The following TBCK variants were observed in gnomAD, a reference collection of about 807,000 sequenced individuals.
TBCK encodes the protein TBC domain-containing protein kinase-like protein.
In TBCK, 99 loss-of-function variants were observed where a neutral mutation model predicts 113.4. The ratio of observed to expected loss-of-function variants is 0.87; its 90% CI spans 0.74 to 1.03. The LOEUF (loss-of-function observed/expected upper bound fraction) is 1.03, where lower values mean the gene tolerates loss of function less well. TBCK is among the 50% of genes least tolerant of loss of function. The pLI is 0.00. For missense variants in TBCK, 1,045 were observed against 1,061.3 expected, an observed-to-expected ratio of 0.98 and a Z score of 0.21; for synonymous variants, 369 against 370.8, an observed-to-expected ratio of 1.00 and a Z score of 0.05.
At chr4:106,135,968 T>C (rs1746507621) in intron 23 of TBCK, among the ~76,000 whole-genome samples, 1 of 141,508 alleles carries the variant, frequency 7.1e-6, no homozygotes, top group Non-Finnish European at 1.6e-5. Flanking sequence ...ATGTGTCACA[T>C]AGTAATAACA....
chr4:106,174,565 A>G (rs1475865632), intron 22 of TBCK, among the ~76,000 whole-genome samples: 1 of 152,122 alleles, frequency 6.6e-6, no homozygotes, highest in African/African-American at 2.4e-5. Flanking sequence ...ATACTTACGC[A>G]TATACTTCAT....
intron 23 of TBCK, among the ~76,000 whole-genome samples, chr4:106,118,082 T>C (rs558381300): frequency 5.3e-5 from 8 of 151,844 alleles, no homozygotes; most frequent in African/African-American, 1.7e-4. Context: ...ATTCAAAAAA[T>C]TTTTAATTTA....
intron 12 of TBCK, 127 bp from the exon 13 acceptor site, chr4:106,236,935 G>A (rs1759541649): frequency 2.9e-5 from 13 of 454,966 alleles, no homozygotes; most frequent in Non-Finnish European, 4.5e-5. Context: ...ATAAAATAGA[G>A]TCTAAAAATC....
intron 23 of TBCK, among the ~76,000 whole-genome samples, chr4:106,119,601 G>T (rs912748212): frequency 2.0e-5 from 3 of 152,126 alleles, no homozygotes; most frequent in Admixed American, 6.5e-5. Flanking sequence ...ACACTGGTCT[G>T]GGAAATGATT....
intron 22 of TBCK, among the ~76,000 whole-genome samples, chr4:106,191,822 C>G (rs1481013511): frequency 6.6e-6 from 1 of 152,018 alleles, no homozygotes; most frequent in Non-Finnish European, 1.5e-5. Flanking sequence ...GATTTCATTC[C>G]TATTTGAATA....
intron 19 of TBCK, among the ~76,000 whole-genome samples, chr4:106,224,024 T>A (rs912099868): frequency 1.3e-5 from 2 of 152,132 alleles, no homozygotes; most frequent in Non-Finnish European, 1.5e-5. Flanking sequence ...GTATTGATAG[T>A]TTGTCAACTC....
intron 23 of TBCK, among the ~76,000 whole-genome samples, chr4:106,130,090 T>C (rs1226381437): frequency 6.6e-6 from 1 of 152,212 alleles, no homozygotes; most frequent in Non-Finnish European, 1.5e-5. Flanking sequence ...ACTGCTTTCA[T>C]TTCCCCCCAA....
chr4:106,177,174 T>C (rs899863159), intron 22 of TBCK, among the ~76,000 whole-genome samples: 6 of 151,944 alleles, frequency 3.9e-5, no homozygotes, highest in African/African-American at 1.4e-4. Context: ...TCAGATCATC[T>C]ACCCGTTTTT....
At chr4:106,105,413 T>C (rs1011304993) in intron 24 of TBCK, among the ~76,000 whole-genome samples, 5 of 152,150 alleles carry the variant, frequency 3.3e-5, no homozygotes, top group African/African-American at 1.2e-4. Flanking sequence ...GGAAGGAATA[T>C]AAACTCTGAG....
intron 25 of TBCK, among the ~76,000 whole-genome samples, chr4:106,052,420 G>T (rs994112443): frequency 6.6e-6 from 1 of 151,732 alleles, no homozygotes; most frequent in Non-Finnish European, 1.5e-5. Flanking sequence ...TCTCATCCAT[G>T]TTTATTTTAT....
intron 23 of TBCK, among the ~76,000 whole-genome samples, chr4:106,163,876 T>A (rs943103919): frequency 6.6e-6 from 1 of 152,116 alleles, no homozygotes; most frequent in African/African-American, 2.4e-5. Context: ...TCTTCTTCTC[T>A]ACACTTGGAA....
chr4:106,241,614 G>A (rs1211475433), intron 12 of TBCK, among the ~76,000 whole-genome samples: 2 of 151,790 alleles, frequency 1.3e-5, no homozygotes, highest in East Asian at 1.9e-4. Flanking sequence ...TGGTATTATA[G>A]ATCAAAAAAG....
At chr4:106,175,078 G>T (rs922351642) in intron 22 of TBCK, among the ~76,000 whole-genome samples, 1 of 149,752 alleles carries the variant, frequency 6.7e-6, no homozygotes, top group East Asian at 2.0e-4. Context: ...AGTGAGCAGT[G>T]ATCACGCCTG....
intron 19 of TBCK, among the ~76,000 whole-genome samples, chr4:106,224,953 C>T (rs1445974538): frequency 6.6e-6 from 1 of 152,160 alleles, no homozygotes; most frequent in Non-Finnish European, 1.5e-5. Context: ...AAACTTCTTG[C>T]TCTGTGCTAA....
intron 23 of TBCK, among the ~76,000 whole-genome samples, chr4:106,119,861 C>A (rs1206124501): frequency 6.6e-6 from 1 of 151,882 alleles, no homozygotes; most frequent in East Asian, 1.9e-4. Context: ...AAACATTTCT[C>A]AAGAGAAAAC....
chr4:106,135,328 T>C (rs1746429697), intron 23 of TBCK, among the ~76,000 whole-genome samples: 1 of 152,004 alleles, frequency 6.6e-6, no homozygotes, highest in Non-Finnish European at 1.5e-5. Flanking sequence ...TTATTCATAT[T>C]ATAGATAAGG....
intron 2 of TBCK, among the ~76,000 whole-genome samples, chr4:106,303,657 C>T (rs1363206656): frequency 6.6e-6 from 1 of 152,142 alleles, no homozygotes; most frequent in East Asian, 1.9e-4. Flanking sequence ...GGTCAGACAA[C>T]CTCATTATAC....
upstream of TBCK, chr4:106,316,475 C>A: frequency 6.9e-7 from 1 of 1,441,258 alleles, no homozygotes; most frequent in Non-Finnish European, 9.6e-7. Flanking sequence ...ATCTGTAGAA[C>A]ACTCAGGCTT....
At chr4:106,195,693 TC>T (rs1364245405) in intron 20 of TBCK, among the ~76,000 whole-genome samples, 1 of 152,026 alleles carries the variant, frequency 6.6e-6, no homozygotes, top group Non-Finnish European at 1.5e-5. Context: ...TTTCATCTAA[TC>T]TTCCCCTGCC....
Sources: allele counts gnomAD v4.1 joint callset (sites outside exome capture counted in the v4.1 genomes callset), GRCh38; gene constraint gnomAD v4.1.1; transcripts MANE v1.5; gene names NCBI Gene and HGNC (gene_info 2026-07-23, HGNC 2026-07-21).